Variants in GNAL observed in about 807,000 individuals in gnomAD.
The protein encoded by GNAL is guanine nucleotide-binding protein G(olf) subunit alpha.
Under a neutral mutation model 55.1 loss-of-function variants are expected in GNAL, and 18 were observed. That is an observed-to-expected ratio of 0.33 (90% CI 0.23 to 0.48). GNAL has a LOEUF of 0.48. Among genes scored for constraint, GNAL ranks in the 20% least tolerant of loss-of-function variants. GNAL has a pLI of 0.99. For synonymous variants in GNAL, 253 were observed against 237.0 expected (o/e 1.07, Z -0.62); for missense variants, 412 against 614.1 (o/e 0.67, Z 3.48).
chr18:11,826,449 G>A (rs2035249637), intron 5 of GNAL, among the ~76,000 whole-genome samples: 1 of 152,132 alleles, frequency 6.6e-6, no homozygotes, highest in Non-Finnish European at 1.5e-5. Flanking sequence ...AGGTCAGTGG[G>A]GCCAGACACC....
At chr18:11,845,769 AAGAGAGAGAGAGAGAG>A (rs58313183) in intron 5 of GNAL, among the ~76,000 whole-genome samples, 1 of 147,572 alleles carries the variant, frequency 6.8e-6, no homozygotes, top group African/African-American at 2.5e-5. Context: ...AGGAAGAGAA[AAGAGAGAGAGAGAGAG>A]AGAAAGAGAG....
chr18:11,771,884 T>C (rs2033646358), intron 4 of GNAL, among the ~76,000 whole-genome samples: 1 of 152,092 alleles, frequency 6.6e-6, no homozygotes, highest in African/African-American at 2.4e-5. Context: ...CTGGCTAATT[T>C]TTTTGTTTTT....
chr18:11,807,797 T>C (rs977702432), intron 4 of GNAL, among the ~76,000 whole-genome samples: 5 of 151,794 alleles, frequency 3.3e-5, no homozygotes, highest in African/African-American at 1.2e-4. Flanking sequence ...CCCTCTAGGA[T>C]TAGGAGGCTG....
intron 4 of GNAL, among the ~76,000 whole-genome samples, chr18:11,778,613 G>A (rs1941225): frequency 0.12 from 17,661 of 152,144 alleles, 1,443 homozygotes; most frequent in African/African-American, 0.23. Context: ...GCTAGGCAAG[G>A]TGATCTCTGA....
At chr18:11,733,508 T>C (rs1165689942) in intron 1 of GNAL, among the ~76,000 whole-genome samples, 1 of 152,142 alleles carries the variant, frequency 6.6e-6, no homozygotes, top group Non-Finnish European at 1.5e-5. Flanking sequence ...TTTGGAGATG[T>C]TTTTTCTGTC....
At position 11,859,372 on chromosome 18, in the gene GNAL, T is replaced by C. The variant is rs139370431; in HGVS notation, c.723-3023T>C. 4.5e-4 allele frequency among the ~76,000 whole-genome samples: 68 copies of C among 152,244 alleles called. No homozygotes were observed. In the East Asian group the frequency reaches 0.012, roughly 26 times the overall value. ...CTCATGGATTCCAAGGTCTTTTTGCTCCTTTGTTGCTGGATGGTCAGGAAC... is the reference window on the plus strand; with the variant it reads ...CTCATGGATTCCAAGGTCTTTTTGCCCCTTTGTTGCTGGATGGTCAGGAAC... On this transcript the variant is annotated intron_variant, in intron 5 of 11. Transcript: ENST00000334049.
In GNAL at chr18:11,761,489, T is replaced by C. The variant is rs1030393799; in HGVS notation, c.624+7544T>C. Among the ~76,000 whole-genome samples the C allele has an allele frequency of 3.3e-5, 5 of 152,152 alleles. No homozygotes were observed. The South Asian group carries it at 6.2e-4, about 19-fold the overall frequency. On this transcript the variant is annotated intron_variant, in intron 4 of 11. Transcript: ENST00000334049. Reference sequence around the variant, plus strand: ...GCTCTCCTTCTCTTTCTCTACCTTATTTTCAGTTGGATTTTCTTTGCTAAC... The same window carrying C: ...GCTCTCCTTCTCTTTCTCTACCTTACTTTCAGTTGGATTTTCTTTGCTAAC...
Position 11,882,879 on chromosome 18 carries a change from C to G in GNAL, c.*1744C>G, listed in dbSNP as rs1370394414. Reference sequence around the variant, plus strand: ...AGCCTCAAACATTATGACACACCAACAATATCTAGAAAGTAAGAACTGGTG... The same window carrying G: ...AGCCTCAAACATTATGACACACCAAGAATATCTAGAAAGTAAGAACTGGTG... On this transcript the variant is annotated 3_prime_UTR_variant, in exon 12 of 12. Coordinates refer to ENST00000334049, the MANE Select transcript of GNAL (RefSeq NM_182978.4). The G allele has an allele frequency of 6.6e-6, 1 of 152,126 alleles. No homozygotes were observed. The highest frequency in any genetic ancestry group is 1.5e-5 in the Non-Finnish European group (1 of 68,014). The allele number at this position is 152,126 out of a possible 1,614,324, so 9.4% of individuals were successfully genotyped here. A position where few individuals can be genotyped will look rare whatever the true frequency, so the allele number is the denominator to read the frequency against.
intron 5 of GNAL, chr18:11,851,817 A>G (rs1354684637): frequency 1.2e-6 from 2 of 1,613,876 alleles, no homozygotes; most frequent in African/African-American, 2.7e-5. Context: ...TGGATGCGAC[A>G]TTGAAGACCA....
At position 11,844,504 on chromosome 18, in the gene GNAL, T is replaced by A. The variant is rs2035688876; in HGVS notation, c.723-17891T>A. Among the ~76,000 whole-genome samples the A allele has an allele frequency of 2.6e-5, 4 of 152,238 alleles. No homozygotes were observed. In the South Asian group the frequency reaches 8.3e-4, roughly 32 times the overall value. On this transcript the variant is annotated intron_variant, in intron 5 of 11. Transcript: ENST00000334049. ...ACCAGTGCTCTCCATTCTGTGGCCATGGCCGTTTTAAATCACTTGTGCCTT... is the reference window on the plus strand; with the variant it reads ...ACCAGTGCTCTCCATTCTGTGGCCAAGGCCGTTTTAAATCACTTGTGCCTT...
At chr18:11,793,692 G>C (rs2034298806) in intron 4 of GNAL, among the ~76,000 whole-genome samples, 1 of 152,070 alleles carries the variant, frequency 6.6e-6, no homozygotes, top group Admixed American at 6.5e-5. Flanking sequence ...TTGGGAGGCT[G>C]AGTCAGGCAG....
intron 5 of GNAL, among the ~76,000 whole-genome samples, chr18:11,845,486 C>T (rs2035711255): frequency 6.6e-6 from 1 of 151,884 alleles, no homozygotes; most frequent in South Asian, 2.1e-4. Context: ...AATAAGAACA[C>T]AGATTGGAAA....
chr18:11,836,837 C>T (rs929975234), intron 5 of GNAL, among the ~76,000 whole-genome samples: 3 of 152,220 alleles, frequency 2.0e-5, no homozygotes, highest in African/African-American at 7.2e-5. Context: ...AGGCATGGAC[C>T]TATGCATTTG....
chr18:11,851,916 G>A, intron 5 of GNAL: 1 of 1,613,938 alleles, frequency 6.2e-7, no homozygotes, highest in Middle Eastern at 1.6e-4. Context: ...TGGAAGACAC[G>A]ATGAGCAGCA....
At chr18:11,809,812 A>C (rs2034763465) in intron 4 of GNAL, among the ~76,000 whole-genome samples, 1 of 152,260 alleles carries the variant, frequency 6.6e-6, no homozygotes. Flanking sequence ...TGGAAGAAGT[A>C]TTTAAGATTA....
rs112654575 is a variant in GNAL, at chr18:11,754,269, T to C, written c.624+324T>C. Among the ~76,000 whole-genome samples the C allele has an allele frequency of 9.1e-3, 1,389 of 151,974 alleles. 19 individuals carry two copies. Among genetic ancestry groups the C allele is most frequent in the African/African-American group, 0.032 (1,314 of 41,422 alleles). Reference sequence around the variant, plus strand: ...ATCTCTACGAAAAATACAAAAAAATTAGCTGGGCATGGTGGTGTGCGCCTG... The same window carrying C: ...ATCTCTACGAAAAATACAAAAAAATCAGCTGGGCATGGTGGTGTGCGCCTG... On this transcript the variant is annotated intron_variant, in intron 4 of 11. Coordinates refer to ENST00000334049, the MANE Select transcript of GNAL (RefSeq NM_182978.4).
intron 1 of GNAL, among the ~76,000 whole-genome samples, chr18:11,695,119 A>G (rs2031368812): frequency 6.6e-6 from 1 of 152,200 alleles, no homozygotes. Flanking sequence ...AACAAGGGCT[A>G]AGGCGGGGAG....
At chr18:11,870,465 G>A (rs1222031606) in intron 9 of GNAL, among the ~76,000 whole-genome samples, 5 of 152,118 alleles carry the variant, frequency 3.3e-5, no homozygotes, top group African/African-American at 7.2e-5. Flanking sequence ...AGGTTGCAGC[G>A]AGCTGAGATC....
intron 5 of GNAL, among the ~76,000 whole-genome samples, chr18:11,829,119 C>T (rs1252955738): frequency 4.6e-5 from 7 of 152,214 alleles, no homozygotes; most frequent in Non-Finnish European, 1.0e-4. Context: ...GCCTTGTGAG[C>T]GAGGCCCCAG....
Sources: gnomAD v4.1 joint callset for allele counts (sites outside exome capture counted in the v4.1 genomes callset) on GRCh38, gnomAD v4.1.1 for gene constraint, MANE v1.5 for transcripts, NCBI Gene and HGNC (gene_info 2026-07-23, HGNC 2026-07-21) for gene names.